Variants in RGS3 observed in about 807,000 individuals in gnomAD.
RGS3 encodes regulator of G protein signaling 3.
A neutral mutation model predicts 132.6 loss-of-function variants in RGS3; 80 were observed. The ratio of observed to expected loss-of-function variants is 0.60; its 90% CI spans 0.50 to 0.73. RGS3 has a LOEUF of 0.73. Ranked by LOEUF, RGS3 falls within the 30% of genes least tolerant of loss-of-function variation. The probability of loss-of-function intolerance (pLI) is 0.00; values close to 1 mark genes in which losing one functional copy is unlikely to be tolerated. For synonymous variants in RGS3, 598 were observed against 620.6 expected (o/e 0.96, Z 0.54); for missense variants, 1,382 against 1,530.8 (o/e 0.90, Z 1.62).
intron 3 of RGS3, chr9:113,479,256 G>A: frequency 1.8e-6 from 1 of 566,180 alleles, no homozygotes; most frequent in Non-Finnish European, 3.2e-6. Flanking sequence ...CCCATCACCA[G>A]AGGGGCACAA....
At chr9:113,493,240 A>G (rs1196466818) in intron 7 of RGS3, among the ~76,000 whole-genome samples, 3 of 152,038 alleles carry the variant, frequency 2.0e-5, no homozygotes, top group Non-Finnish European at 4.4e-5. Context: ...CCCAAGGGGG[A>G]GGAGTATTTG....
chr9:113,562,480 A>C (rs959155413), intron 19 of RGS3, among the ~76,000 whole-genome samples: 2 of 151,494 alleles, frequency 1.3e-5, no homozygotes, highest in Non-Finnish European at 2.9e-5. Context: ...CTGTCTCAAA[A>C]AAAAAAAAAA....
intron 19 of RGS3, among the ~76,000 whole-genome samples, chr9:113,567,416 G>A (rs1834063336): frequency 6.6e-6 from 1 of 152,216 alleles, no homozygotes; most frequent in Non-Finnish European, 1.5e-5. Context: ...CCTGGGGCAT[G>A]GTTGGAGAGG....
At chr9:113,483,243 C>A (rs1450044437) in intron 5 of RGS3, 126 bp downstream of exon 3, 3 of 693,050 alleles carry the variant, frequency 4.3e-6, no homozygotes, top group African/African-American at 1.8e-5. Flanking sequence ...TCTCACTCAT[C>A]TTCTCAATAG....
At chr9:113,535,505 A>G (rs1179395246) in intron 18 of RGS3, among the ~76,000 whole-genome samples, 1 of 152,218 alleles carries the variant, frequency 6.6e-6, no homozygotes, top group African/African-American at 2.4e-5. Context: ...ATTACTGAAT[A>G]GTAATACTAG....
Position 113,524,344 on chromosome 9 carries a change from A to T in RGS3, c.1870+1303A>T, listed in dbSNP as rs563985955. Among the ~76,000 whole-genome samples, 3 of 152,200 alleles carry T rather than the reference A, an allele frequency of 2.0e-5. No individual in the cohort carries two copies. In the South Asian group the frequency reaches 6.2e-4, roughly 32 times the overall value. On this transcript the variant is annotated intron_variant, in intron 17 of 24. Transcript: ENST00000350696. ...CCCCCTCCCTGCCCCCAGCCCAGAC[A>T]GTCTAGGACCCCATCACATTTGAGG...
At chr9:113,520,734 G>T (rs1479698945) in intron 16 of RGS3, among the ~76,000 whole-genome samples, 1 of 151,740 alleles carries the variant, frequency 6.6e-6, no homozygotes, top group Non-Finnish European at 1.5e-5. Context: ...TCCATTGCTC[G>T]GACTTTGAAG....
At chr9:113,495,806 G>A in exon 8 of RGS3, 2 of 1,614,170 alleles carry the variant, frequency 1.2e-6, no homozygotes, top group Non-Finnish European at 1.7e-6. Context: ...CTCATTGGCT[G>A]CATGAGCTTT....
chr9:113,484,982 T>A (rs1201693247), intron 6 of RGS3, among the ~76,000 whole-genome samples: 2 of 152,144 alleles, frequency 1.3e-5, no homozygotes, highest in African/African-American at 2.4e-5. Flanking sequence ...TCAGACCTTT[T>A]AAGGTCCTTT....
At position 113,595,662 on chromosome 9, in the gene RGS3, G is replaced by A. The variant is rs747972167; in HGVS notation, c.3308G>A (p.Trp1103Ter). 3 of 1,614,186 alleles carry A rather than the reference G, an allele frequency of 1.9e-6. No individual in the cohort carries two copies. The highest frequency in any genetic ancestry group is 1.7e-6 in the Non-Finnish European group (2 of 1,180,004). Residue 1103 changes from tryptophan to a stop codon, truncating the protein, a stop_gained, in exon 24 of 25, where the codon TGG becomes TAG. Coordinates refer to ENST00000350696, the Ensembl canonical transcript of RGS3. LOFTEE classifies it high-confidence loss of function. Reference sequence around the variant, plus strand: ...TTCAGTGAGGAGAATCTGGAGTTCTGGTTGGCTTGTGAGGACTTCAAGAAG... The same window carrying A: ...TTCAGTGAGGAGAATCTGGAGTTCTAGTTGGCTTGTGAGGACTTCAAGAAG...
chr9:113,580,676 C>A, intron 19 of RGS3: 1 of 416,542 alleles, frequency 2.4e-6, no homozygotes, highest in Non-Finnish European at 3.2e-6. Flanking sequence ...GCTGATCTCT[C>A]TGGGTAGGTG....
chr9:113,596,011 C>A (rs1262959223), intron 24 of RGS3, among the ~76,000 whole-genome samples: 3 of 152,244 alleles, frequency 2.0e-5, no homozygotes, highest in African/African-American at 4.8e-5. Flanking sequence ...TGTATGCGTT[C>A]TCATGTTTAA....
chr9:113,582,256 CT>C, intron 19 of RGS3: 1 of 953,170 alleles, frequency 1.0e-6, no homozygotes, highest in Non-Finnish European at 1.2e-6. Flanking sequence ...AGTCACCGGC[CT>C]TTGGGCTCAG....
At chr9:113,484,274 G>C in intron 6 of RGS3, 42 bp downstream of exon 4, 2 of 1,014,994 alleles carry the variant, frequency 2.0e-6, no homozygotes, top group South Asian at 1.3e-5. Flanking sequence ...GGAGAGGGAA[G>C]GAGTGTTTAT....
intron 19 of RGS3, among the ~76,000 whole-genome samples, chr9:113,539,492 T>C (rs1832816395): frequency 6.6e-6 from 1 of 152,178 alleles, no homozygotes; most frequent in African/African-American, 2.4e-5. Context: ...TTATTTTTAG[T>C]AGAGATGGGG....
intron 19 of RGS3, among the ~76,000 whole-genome samples, chr9:113,574,666 C>T (rs918001736): frequency 2.0e-5 from 3 of 152,150 alleles, no homozygotes; most frequent in Non-Finnish European, 4.4e-5. Context: ...CCAGGGCATC[C>T]GAGGCAGATT....
chr9:113,575,003 T>TAC (rs1834447905), intron 19 of RGS3, among the ~76,000 whole-genome samples: 1 of 152,138 alleles, frequency 6.6e-6, no homozygotes, highest in Non-Finnish European at 1.5e-5. Context: ...GGACAAAGAC[T>TAC]ACGAGTCCAC....
intron 5 of RGS3, among the ~76,000 whole-genome samples, chr9:113,483,461 C>A (rs1245471817): frequency 6.6e-6 from 1 of 152,184 alleles, no homozygotes; most frequent in East Asian, 1.9e-4. Context: ...AAACTAGGGG[C>A]AGGATGGCCA....
intron 13 of RGS3, 74 bp from the exon 12 acceptor site, chr9:113,508,467 C>T (rs748690514): frequency 1.7e-5 from 27 of 1,572,028 alleles, no homozygotes; most frequent in African/African-American, 4.0e-5. Context: ...CTGGGGCCCC[C>T]GTGTCCAGCA....
Sources: gnomAD v4.1 joint callset for allele counts (sites outside exome capture counted in the v4.1 genomes callset) on GRCh38, gnomAD v4.1.1 for gene constraint, MANE v1.5 for transcripts, NCBI Gene and HGNC (gene_info 2026-07-23, HGNC 2026-07-21) for gene names.